Variants in MEOX2 observed in about 807,000 individuals in gnomAD.
MEOX2 encodes the protein mesenchyme homeobox 2.
MEOX2 carries 11 observed loss-of-function variants against 27.0 expected under a neutral mutation model. That is an observed-to-expected ratio of 0.41 (90% CI 0.26 to 0.68). MEOX2 has a LOEUF of 0.68. MEOX2 is among the 30% of genes least tolerant of loss of function. The pLI, the probability that MEOX2 is intolerant of heterozygous loss-of-function variation, is 0.33. For synonymous variants in MEOX2, 189 were observed against 155.4 expected (o/e 1.22, Z -1.61); for missense variants, 436 against 385.4 (o/e 1.13, Z -1.10).
intron 1 of MEOX2, chr7:15,682,030 A>G (rs1222095306): frequency 6.6e-6 from 1 of 151,808 alleles, no homozygotes; most frequent in Non-Finnish European, 1.5e-5. Flanking sequence ...CACATTTTAG[A>G]GCCCTCATGT....
At chr7:15,654,202 T>C (rs1781785093) in intron 1 of MEOX2, among the ~76,000 whole-genome samples, 1 of 151,984 alleles carries the variant, frequency 6.6e-6, no homozygotes, top group African/African-American at 2.4e-5. Context: ...AGTACATGTG[T>C]TAATTGCCAG....
chr7:15,683,638 TC>T (rs1283678234), intron 1 of MEOX2, among the ~76,000 whole-genome samples: 1 of 152,142 alleles, frequency 6.6e-6, no homozygotes, highest in African/African-American at 2.4e-5. Flanking sequence ...TTAATTTAAA[TC>T]TATCTCAATA....
At chr7:15,643,993 T>A (rs948134155) in intron 1 of MEOX2, among the ~76,000 whole-genome samples, 2 of 152,062 alleles carry the variant, frequency 1.3e-5, no homozygotes, top group Non-Finnish European at 2.9e-5. Flanking sequence ...AGGCAGGCAG[T>A]CTTGGTTGCA....
At chr7:15,613,272 A>G (rs1368697634) in intron 2 of MEOX2, among the ~76,000 whole-genome samples, 2 of 152,086 alleles carry the variant, frequency 1.3e-5, no homozygotes, top group Admixed American at 1.3e-4. Flanking sequence ...GCTAACACCA[A>G]GATTATATAC....
chr7:15,655,631 A>T (rs1286610945), intron 1 of MEOX2, among the ~76,000 whole-genome samples: 1 of 151,688 alleles, frequency 6.6e-6, no homozygotes, highest in African/African-American at 2.4e-5. Flanking sequence ...TTTGACCCAT[A>T]ATATTTAGAA....
chr7:15,686,284 T>G lies in MEOX2; in HGVS notation c.119A>C (p.Glu40Ala), dbSNP rs200846592. Reference sequence around the variant, plus strand: ...GCAAGATGAGGAAGAAGTAGAGAGCTCGGGGTAAGACATATGGTCAGATCT... The same window carrying G: ...GCAAGATGAGGAAGAAGTAGAGAGCGCGGGGTAAGACATATGGTCAGATCT... Reference protein sequence around the residue: ...HGRSDHMSYPELSTSSSSCII... With the variant: ...HGRSDHMSYPALSTSSSSCII... Residue 40 changes from glutamate to alanine, a missense_variant, in exon 1 of 3, where the codon GAG (glutamate) becomes GCG (alanine). Physicochemically the swap from Glu to Ala is moderately radical, Grantham distance 107. Transcript: ENST00000262041. 1.9e-6 allele frequency: 3 copies of G among 1,612,198 alleles called. No individual in the cohort carries two copies. The highest frequency in any genetic ancestry group is 4.5e-5 in the East Asian group (2 of 44,778).
chr7:15,663,460 G>A (rs919019224), intron 1 of MEOX2, among the ~76,000 whole-genome samples: 2 of 151,600 alleles, frequency 1.3e-5, no homozygotes, highest in Non-Finnish European at 2.9e-5. Flanking sequence ...AGCCTCCTGA[G>A]TAGTTGGGGT....
Position 15,628,356 on chromosome 7 carries a change from T to C in MEOX2, c.518-1438A>G, listed in dbSNP as rs1334362570. ...TATCTAAGTGAGCCAGATGTAAAGT[T>C]TTCTAGGTCTAGTAGCAGCAGCAGC... is the stretch of plus-strand genomic sequence containing the variant. On this transcript the variant is annotated intron_variant, in intron 1 of 2. Transcript: ENST00000262041. Among the ~76,000 whole-genome samples, 4 of 152,084 alleles carry C rather than the reference T, an allele frequency of 2.6e-5. No homozygotes were observed. The East Asian group carries it at 7.7e-4, about 29-fold the overall frequency.
At chr7:15,647,874 G>T (rs986044334) in intron 1 of MEOX2, among the ~76,000 whole-genome samples, 4 of 152,000 alleles carry the variant, frequency 2.6e-5, no homozygotes, top group Non-Finnish European at 4.4e-5. Flanking sequence ...TTCTAATAAA[G>T]AAATGACTTC....
At chr7:15,678,698 G>A (rs1000511201) in intron 1 of MEOX2, among the ~76,000 whole-genome samples, 1 of 152,130 alleles carries the variant, frequency 6.6e-6, no homozygotes, top group African/African-American at 2.4e-5. Context: ...CTATCACTTT[G>A]CAAAAATAAG....
chr7:15,631,068 T>C (rs553812943), intron 1 of MEOX2, among the ~76,000 whole-genome samples: 15 of 152,046 alleles, frequency 9.9e-5, no homozygotes, highest in African/African-American at 3.4e-4. Context: ...AGCACCACTA[T>C]GTTAGATCCA....
intron 1 of MEOX2, among the ~76,000 whole-genome samples, chr7:15,666,186 T>C (rs1382970146): frequency 6.6e-6 from 1 of 152,148 alleles, no homozygotes; most frequent in East Asian, 1.9e-4. Flanking sequence ...CTAAAGTCAG[T>C]CCTCGAAACA....
chr7:15,651,751 T>C (rs1781735029), intron 1 of MEOX2, among the ~76,000 whole-genome samples: 1 of 151,706 alleles, frequency 6.6e-6, no homozygotes. Flanking sequence ...AGAAAGACTC[T>C]ACTGAAAAAA....
At chr7:15,649,917 A>G (rs1217991323) in intron 1 of MEOX2, among the ~76,000 whole-genome samples, 1 of 152,116 alleles carries the variant, frequency 6.6e-6, no homozygotes, top group Non-Finnish European at 1.5e-5. Context: ...AGGTCTCCAT[A>G]TTAAGCCAAC....
chr7:15,655,985 T>C (rs370954198), intron 1 of MEOX2, among the ~76,000 whole-genome samples: 1 of 151,834 alleles, frequency 6.6e-6, no homozygotes, highest in Non-Finnish European at 1.5e-5. Context: ...TATCAATTTC[T>C]CCTATTAGTT....
At chr7:15,639,744 G>A (rs1052248989) in intron 1 of MEOX2, among the ~76,000 whole-genome samples, 2 of 151,890 alleles carry the variant, frequency 1.3e-5, no homozygotes, top group East Asian at 1.9e-4. Context: ...GTTTATTTTT[G>A]TTGACTTTGT....
intron 1 of MEOX2, among the ~76,000 whole-genome samples, chr7:15,684,556 G>T (rs1782347687): frequency 6.6e-6 from 1 of 152,104 alleles, no homozygotes; most frequent in Non-Finnish European, 1.5e-5. Flanking sequence ...CTATAGTAAC[G>T]CTGAAGAACA....
intron 1 of MEOX2, among the ~76,000 whole-genome samples, chr7:15,647,377 A>C (rs1781668094): frequency 6.6e-6 from 1 of 152,110 alleles, no homozygotes; most frequent in Non-Finnish European, 1.5e-5. Flanking sequence ...ATGGTAAGAT[A>C]TTTCCAGACA....
intron 2 of MEOX2, among the ~76,000 whole-genome samples, chr7:15,613,635 AT>A (rs939247227): frequency 2.6e-5 from 4 of 152,130 alleles, no homozygotes; most frequent in Non-Finnish European, 5.9e-5. Context: ...AAGAAAACAA[AT>A]TTTTTTCATA....
Sources: gnomAD v4.1 joint callset for allele counts (sites outside exome capture counted in the v4.1 genomes callset) on GRCh38, gnomAD v4.1.1 for gene constraint, MANE v1.5 for transcripts, NCBI Gene and HGNC (gene_info 2026-07-23, HGNC 2026-07-21) for gene names.